Variants in MBTPS2 observed in about 807,000 individuals in gnomAD.
The protein encoded by MBTPS2 is membrane-bound transcription factor site-2 protease.
Under a neutral mutation model 35.4 loss-of-function variants are expected in MBTPS2, and 2 were observed. The ratio of observed to expected loss-of-function variants is 0.06; its 90% CI spans 0.02 to 0.18. MBTPS2 has a LOEUF of 0.18. Among genes scored for constraint, MBTPS2 ranks in the 10% least tolerant of loss-of-function variants. The pLI, the probability that MBTPS2 is intolerant of heterozygous loss-of-function variation, is 1.00. For synonymous variants in MBTPS2, 125 were observed against 140.4 expected (o/e 0.89, Z 0.77); for missense variants, 244 against 386.5 (o/e 0.63, Z 3.09).
chrX:21,850,985 C>T (rs139525290), intron 3 of MBTPS2, among the ~76,000 whole-genome samples: 2,639 of 111,777 alleles, frequency 0.024, 64 homozygotes, highest in African/African-American at 0.081. Flanking sequence ...TACCAACTCA[C>T]CTATAACTTG....
At chrX:21,860,972 AAAC>A (rs1174486317) in intron 5 of MBTPS2, among the ~76,000 whole-genome samples, 1 of 112,243 alleles carries the variant, frequency 8.9e-6, no homozygotes, top group Non-Finnish European at 1.9e-5. Context: ...TGTACAGGCA[AAAC>A]AACAAACCAC....
intron 7 of MBTPS2, chrX:21,871,552 G>A (rs2092947384): frequency 9.0e-6 from 1 of 111,351 alleles, no homozygotes; most frequent in Non-Finnish European, 1.9e-5. Context: ...CATTAAACAC[G>A]ACCACAATAC....
rs767974910 is a variant in MBTPS2, at chrX:21,882,703, G to T, written c.*48G>T. The T allele has an allele frequency of 5.8e-6, 7 of 1,205,817 alleles. No homozygotes were observed. Among genetic ancestry groups the T allele is most frequent in the African/African-American group, 1.7e-5 (1 of 57,714 alleles). On this transcript the variant is annotated 3_prime_UTR_variant, in exon 11 of 11. Coordinates refer to ENST00000379484, the MANE Select transcript of MBTPS2 (RefSeq NM_015884.4). ...TCCCTGAGTTACAGTATACAGCTAT[G>T]TGGTAATATTCATTGCCATTGAAAT...
intron 7 of MBTPS2, among the ~76,000 whole-genome samples, chrX:21,877,618 G>C (rs1275378434): frequency 9.0e-6 from 1 of 111,632 alleles, no homozygotes; most frequent in Non-Finnish European, 1.9e-5. Flanking sequence ...ATATAATGGG[G>C]ATGTCTTAGG....
intron 7 of MBTPS2, among the ~76,000 whole-genome samples, chrX:21,873,688 T>G (rs2092949733): frequency 9.2e-6 from 1 of 109,264 alleles, no homozygotes; most frequent in African/African-American, 3.3e-5. Flanking sequence ...GAGGTGAGGG[T>G]TTATGCCCTT....
intron 5 of MBTPS2, chrX:21,858,357 AT>A (rs1386743361): frequency 1.6e-5 from 2 of 123,654 alleles, no homozygotes; most frequent in Non-Finnish European, 3.8e-5. Flanking sequence ...CTTGTAGAAT[AT>A]ATTGTGTATA....
chrX:21,882,520 C>T lies in MBTPS2; in HGVS notation c.1425C>T (p.Phe475=), dbSNP rs375402851. ...ALDGQWILNS[F]LDATLTSVIG... is the part of the protein sequence containing the mutation. ...ATGGACAATGGATTCTAAACTCTTTCTTGGATGCCACCCTTACCTCAGTGA... is the reference window on the plus strand; with the variant it reads ...ATGGACAATGGATTCTAAACTCTTTTTTGGATGCCACCCTTACCTCAGTGA... The change falls in exon 11 of 11, where the codon TTC becomes TTT. Residue 475 remains phenylalanine, a synonymous_variant. Coordinates refer to ENST00000379484, the MANE Select transcript of MBTPS2 (RefSeq NM_015884.4). 2 of 1,209,569 alleles carry T rather than the reference C, an allele frequency of 1.7e-6. No individual in the cohort carries two copies. The highest frequency in any genetic ancestry group is 3.5e-5 in the African/African-American group (2 of 57,245).
rs759272359 is a variant in MBTPS2, at chrX:21,868,574, G to C, written c.778G>C (p.Glu260Gln). ...YYTGVGVLIT[E>Q]VAEDSPAIGP... ...CACTGGAGTTGGGGTGCTCATCACT[G>C]AAGTTGCTGAGGTAAATAATGGATT... The change falls in exon 6 of 11, where the codon GAA (glutamate) becomes CAA (glutamine). Residue 260 changes from glutamate to glutamine, a missense_variant. By Grantham distance (29) the Glu-to-Gln change is conservative. Coordinates refer to ENST00000379484, the MANE Select transcript of MBTPS2 (RefSeq NM_015884.4). The C allele has an allele frequency of 1.7e-6, 2 of 1,176,425 alleles. No homozygotes were observed. Among genetic ancestry groups the C allele is most frequent in the Admixed American group, 2.2e-5 (1 of 45,667 alleles).
chrX:21,851,465 T>G lies in MBTPS2; in HGVS notation c.439-44T>G, dbSNP rs1209131842. 3.6e-6 allele frequency: 3 copies of G among 828,336 alleles called. No homozygotes were observed. The Admixed American group carries it at 6.6e-5, about 18-fold the overall frequency. The allele number at this position is 828,336 out of a possible 1,213,427, so 68.3% of individuals were successfully genotyped here. A position where few individuals can be genotyped will look rare whatever the true frequency, so the allele number is the denominator to read the frequency against. The stretch of plus-strand genomic sequence containing the variant: ...TCTTAGTGCCCAAGTGGGACTCCCC[T>G]GCACCCCCACTGATAATTGCTGCCA... On this transcript the variant is annotated intron_variant, in intron 3 of 10. Transcript: ENST00000379484.
At chrX:21,856,520 C>T in intron 5 of MBTPS2, 1 of 1,210,959 alleles carries the variant, frequency 8.3e-7, no homozygotes, top group Non-Finnish European at 1.1e-6. Flanking sequence ...TCACACAAGA[C>T]CTGGAGATCC....
chrX:21,878,223 T>C, intron 8 of MBTPS2, 87 bp downstream of exon 8: 2 of 632,723 alleles, frequency 3.2e-6, no homozygotes, highest in African/African-American at 2.2e-5. Context: ...TATGGAAACT[T>C]CTCTCTTTTG....
At chrX:21,856,635 T>C (rs746388847) in intron 5 of MBTPS2, 1 of 1,211,914 alleles carries the variant, frequency 8.3e-7, no homozygotes, top group Admixed American at 2.2e-5. Flanking sequence ...CAATTGGATC[T>C]ACGGTGGCCA....
chrX:21,862,697 G>C (rs2092932908), intron 5 of MBTPS2, among the ~76,000 whole-genome samples: 1 of 104,887 alleles, frequency 9.5e-6, no homozygotes, highest in Non-Finnish European at 2.0e-5. Context: ...TGTAGTCCCA[G>C]CTACTCTGGA....
intron 5 of MBTPS2, chrX:21,857,656 G>A: frequency 1.8e-6 from 2 of 1,108,667 alleles, no homozygotes; most frequent in Non-Finnish European, 1.2e-6. Flanking sequence ...ACTGCGGTAG[G>A]GAATAAATAT....
In MBTPS2 at chrX:21,884,687, C is replaced by A; in HGVS notation, c.*2032C>A. 1.4e-6 allele frequency: 1 copy of A among 714,682 alleles called. No individual in the cohort carries two copies. The highest frequency in any genetic ancestry group is 1.7e-6 in the Non-Finnish European group (1 of 603,301). The allele number at this position is 714,682 out of a possible 1,213,427, so 58.9% of individuals were successfully genotyped here. Reference sequence around the variant, plus strand: ...TTCTTTAGCTTGGTTGTGGGCACTTCTACAGCAAGGACCATATCATATTCA... The same window carrying A: ...TTCTTTAGCTTGGTTGTGGGCACTTATACAGCAAGGACCATATCATATTCA... On this transcript the variant is annotated 3_prime_UTR_variant, in exon 11 of 11. Transcript: ENST00000379484.
chrX:21,856,758 G>A (rs1196351236), intron 5 of MBTPS2: 4 of 1,211,794 alleles, frequency 3.3e-6, no homozygotes, highest in Admixed American at 4.3e-5. Context: ...GGGCTATTGC[G>A]ACTCAGACAA....
At chrX:21,862,834 TA>T (rs1246577796) in intron 5 of MBTPS2, among the ~76,000 whole-genome samples, 19 of 85,862 alleles carry the variant, frequency 2.2e-4, no homozygotes, top group African/African-American at 7.5e-4. Context: ...CATATATATA[TA>T]AAAAACATAT....
chrX:21,845,578 G>A (rs2092907837), intron 3 of MBTPS2, among the ~76,000 whole-genome samples, 194 bp downstream of exon 3: 1 of 112,169 alleles, frequency 8.9e-6, no homozygotes, highest in Non-Finnish European at 1.9e-5. Context: ...GGTAGTAGTT[G>A]TAATATTAAT....
chrX:21,872,098 A>C (rs1447153526), intron 7 of MBTPS2: 1 of 111,638 alleles, frequency 9.0e-6, no homozygotes, highest in East Asian at 2.8e-4. Context: ...TTTTAAGATG[A>C]CAGAAGATTA....
Sources: gnomAD v4.1 joint callset for allele counts (sites outside exome capture counted in the v4.1 genomes callset) on GRCh38, gnomAD v4.1.1 for gene constraint, MANE v1.5 for transcripts, NCBI Gene and HGNC (gene_info 2026-07-23, HGNC 2026-07-21) for gene names.